Variants in CNTNAP5 observed in about 807,000 individuals in gnomAD.
CNTNAP5 encodes contactin-associated protein-like 5.
Under a neutral mutation model 150.2 loss-of-function variants are expected in CNTNAP5, and 72 were observed. That is an observed-to-expected ratio of 0.48 (90% CI 0.40 to 0.58). The LOEUF (loss-of-function observed/expected upper bound fraction) is 0.58, where lower values mean the gene tolerates loss of function less well. Among genes scored for constraint, CNTNAP5 ranks in the 20% least tolerant of loss-of-function variants. CNTNAP5 has a pLI of 0.00. For synonymous variants in CNTNAP5, 672 were observed against 619.8 expected (o/e 1.08, Z -1.25); for missense variants, 1,636 against 1,626.2 (o/e 1.01, Z -0.10).
At chr2:124,843,329 T>G (rs1245365420) in intron 19 of CNTNAP5, among the ~76,000 whole-genome samples, 4 of 152,020 alleles carry the variant, frequency 2.6e-5, no homozygotes, top group African/African-American at 9.7e-5. Flanking sequence ...CAATTGCAAA[T>G]TTTGCTACTA....
intron 11 of CNTNAP5, among the ~76,000 whole-genome samples, chr2:124,597,762 G>A (rs952621839): frequency 8.6e-5 from 13 of 151,954 alleles, no homozygotes; most frequent in Admixed American, 1.3e-4. Context: ...TCCATTCTCC[G>A]CATCACTTTC....
At chr2:124,376,576 G>A (rs1423919446) in intron 3 of CNTNAP5, among the ~76,000 whole-genome samples, 1 of 152,076 alleles carries the variant, frequency 6.6e-6, no homozygotes, top group African/African-American at 2.4e-5. Context: ...GTGTGTGAGT[G>A]TGTGTGTAAA....
At chr2:124,539,533 A>G (rs1022615793) in intron 10 of CNTNAP5, among the ~76,000 whole-genome samples, 3 of 152,250 alleles carry the variant, frequency 2.0e-5, no homozygotes, top group African/African-American at 7.2e-5. Flanking sequence ...AATCTTGGAC[A>G]CAATGAATAT....
intron 3 of CNTNAP5, among the ~76,000 whole-genome samples, chr2:124,342,458 C>A (rs1053235663): frequency 6.6e-6 from 1 of 152,140 alleles, no homozygotes; most frequent in East Asian, 1.9e-4. Flanking sequence ...AGTACTAGAC[C>A]AGTTTCCAGG....
chr2:124,145,834 A>AAAAAAAG (rs1558773955), intron 1 of CNTNAP5, among the ~76,000 whole-genome samples: 26 of 19,726 alleles, frequency 1.3e-3, no homozygotes, highest in East Asian at 0.019. Context: ...AAAAAGAAGA[A>AAAAAAAG]AAAAAAAAAA....
intron 1 of CNTNAP5, among the ~76,000 whole-genome samples, chr2:124,137,442 C>G (rs1486934922): frequency 6.6e-6 from 1 of 152,062 alleles, no homozygotes; most frequent in Non-Finnish European, 1.5e-5. Flanking sequence ...TCAGTGAAGT[C>G]TTTTGACTTT....
intron 1 of CNTNAP5, among the ~76,000 whole-genome samples, chr2:124,124,321 G>A (rs1287250812): frequency 1.3e-5 from 2 of 152,104 alleles, no homozygotes; most frequent in Non-Finnish European, 2.9e-5. Context: ...AGTGATGGAA[G>A]ATCAAATGAA....
intron 1 of CNTNAP5, among the ~76,000 whole-genome samples, chr2:124,211,322 G>A (rs1041654640): frequency 2.0e-5 from 3 of 152,074 alleles, no homozygotes; most frequent in Admixed American, 6.6e-5. Flanking sequence ...GCCTATCATC[G>A]ATTTAGATAT....
intron 3 of CNTNAP5, among the ~76,000 whole-genome samples, chr2:124,310,074 G>A (rs1252104574): frequency 2.8e-5 from 4 of 145,114 alleles, no homozygotes; most frequent in African/African-American, 7.7e-5. Flanking sequence ...TTTTTTTTAT[G>A]AGCATTAAGT....
intron 3 of CNTNAP5, among the ~76,000 whole-genome samples, chr2:124,390,374 G>A (rs1331349487): frequency 1.3e-5 from 2 of 152,196 alleles, no homozygotes; most frequent in African/African-American, 4.8e-5. Flanking sequence ...GATACAGAAA[G>A]GGTTACCTTC....
chr2:124,622,126 C>T (rs1302637442), intron 12 of CNTNAP5, among the ~76,000 whole-genome samples: 2 of 152,020 alleles, frequency 1.3e-5, no homozygotes. Context: ...CCCGAACCCC[C>T]ACCCTTTGAC....
chr2:124,790,967 GA>G (rs1681713940), intron 18 of CNTNAP5, among the ~76,000 whole-genome samples: 1 of 152,138 alleles, frequency 6.6e-6, no homozygotes, highest in Admixed American at 6.5e-5. Context: ...TTTAAAGACG[GA>G]AAAAGTTTGT....
At chr2:124,482,329 A>G (rs1237857108) in intron 7 of CNTNAP5, among the ~76,000 whole-genome samples, 1 of 152,164 alleles carries the variant, frequency 6.6e-6, no homozygotes, top group African/African-American at 2.4e-5. Context: ...AGACATTATT[A>G]TCCACGTTTT....
At chr2:124,092,816 G>A (rs1238265443) in intron 1 of CNTNAP5, among the ~76,000 whole-genome samples, 1 of 152,094 alleles carries the variant, frequency 6.6e-6, no homozygotes, top group East Asian at 1.9e-4. Flanking sequence ...GATTGTTTGA[G>A]GTGGTGTAAA....
At chr2:124,652,657 G>A (rs554839149) in intron 13 of CNTNAP5, among the ~76,000 whole-genome samples, 5 of 152,162 alleles carry the variant, frequency 3.3e-5, no homozygotes, top group Admixed American at 6.5e-5. Flanking sequence ...GCAAGTGACC[G>A]CATGGGGAAA....
chr2:124,590,610 C>CTTAA (rs1487234329), intron 11 of CNTNAP5, among the ~76,000 whole-genome samples: 1 of 152,180 alleles, frequency 6.6e-6, no homozygotes, highest in Non-Finnish European at 1.5e-5. Flanking sequence ...CAAGCATTTA[C>CTTAA]TTAATTACTA....
chr2:124,496,032 A>C (rs1694134616), intron 7 of CNTNAP5, among the ~76,000 whole-genome samples: 1 of 152,044 alleles, frequency 6.6e-6, no homozygotes, highest in Admixed American at 6.6e-5. Flanking sequence ...CTGCCATGTA[A>C]GCTCTAGGTG....
chr2:124,468,956 A>G (rs1693443060), intron 6 of CNTNAP5, among the ~76,000 whole-genome samples: 1 of 152,180 alleles, frequency 6.6e-6, no homozygotes, highest in Admixed American at 6.5e-5. Flanking sequence ...TGAACTTGAG[A>G]CAGCTCTAAC....
At chr2:124,350,493 T>TA (rs1233233385) in intron 3 of CNTNAP5, among the ~76,000 whole-genome samples, 13 of 151,740 alleles carry the variant, frequency 8.6e-5, no homozygotes, top group Non-Finnish European at 1.9e-4. Flanking sequence ...GGTCAGTTCT[T>TA]ACGCCTTCAC....
Sources: gnomAD v4.1 joint callset for allele counts (sites outside exome capture counted in the v4.1 genomes callset) on GRCh38, gnomAD v4.1.1 for gene constraint, MANE v1.5 for transcripts, NCBI Gene and HGNC (gene_info 2026-07-23, HGNC 2026-07-21) for gene names.